ASPSCR1: variants seen among roughly 807,000 people sequenced by gnomAD.
The protein encoded by ASPSCR1 is tether containing UBX domain for GLUT4.
In ASPSCR1, 55 loss-of-function variants were observed where a neutral mutation model predicts 68.9. The observed-to-expected ratio is 0.80, with a 90% confidence interval of 0.64 to 1.00. The LOEUF is 1.00. ASPSCR1 is among the 50% of genes least tolerant of loss of function. The pLI, the probability that ASPSCR1 is intolerant of heterozygous loss-of-function variation, is 0.00. For missense variants in ASPSCR1, 765 were observed against 762.2 expected, an observed-to-expected ratio of 1.00 and a Z score of -0.04; for synonymous variants, 352 against 332.6, an observed-to-expected ratio of 1.06 and a Z score of -0.63.
At chr17:82,016,273 C>T (rs1398934493) in intron 12 of ASPSCR1, 19 of 595,064 alleles carry the variant, frequency 3.2e-5, no homozygotes, top group Admixed American at 1.5e-4. Context: ...CCATGGAGGG[C>T]GCTGGTCCCA....
Position 81,987,023 on chromosome 17 carries a change from A to G in ASPSCR1, c.374+1416A>G, listed in dbSNP as rs1329013399. ...TCAGACAACAGTGACGGAGCCTAAG[A>G]GCAAAGCCAAAGCCACGGGCAGGGG... On this transcript the variant is annotated intron_variant, in intron 4 of 15. Coordinates refer to ENST00000306739, the MANE Select transcript of ASPSCR1 (RefSeq NM_024083.4). The surrounding 1 kb of genome is among the most constrained non-coding windows in gnomAD (Gnocchi z 5.6). Among the ~76,000 whole-genome samples the G allele has an allele frequency of 1.3e-5, 2 of 152,112 alleles. No homozygotes were observed. Among genetic ancestry groups the G allele is most frequent in the Non-Finnish European group, 2.9e-5 (2 of 68,016 alleles).
chr17:82,009,323 A>C (rs992792797), intron 8 of ASPSCR1, 132 bp downstream of exon 8: 2 of 1,401,456 alleles, frequency 1.4e-6, no homozygotes, highest in Non-Finnish European at 1.9e-6. Context: ...CCTTAACAGG[A>C]CCTCAGAGGG....
In ASPSCR1 at chr17:81,986,233, C is replaced by T. The variant is rs12937344; in HGVS notation, c.374+626C>T. On this transcript the variant is annotated intron_variant, in intron 4 of 15. Coordinates refer to ENST00000306739, the MANE Select transcript of ASPSCR1 (RefSeq NM_024083.4). The surrounding 1 kb of genome is among the most constrained non-coding windows in gnomAD (Gnocchi z 5.2). ...GAGCTCATGAGTTCAAGACTAGCCT[C>T]GGCAACATAGTGAAACCCCTTCTCT... 5.9e-3 allele frequency among the ~76,000 whole-genome samples: 890 copies of T among 152,134 alleles called. 3 individuals carry two copies. The highest frequency in any genetic ancestry group is 0.014 in the Middle Eastern group (4 of 294).
intron 7 of ASPSCR1, among the ~76,000 whole-genome samples, chr17:81,998,780 C>T (rs1406163415): frequency 1.3e-5 from 2 of 152,218 alleles, no homozygotes; most frequent in South Asian, 4.1e-4. Flanking sequence ...GGCAGTGGCC[C>T]CTCTTTTCTG....
In ASPSCR1 at chr17:81,990,083, A is replaced by G. The variant is rs2042111972; in HGVS notation, c.374+4476A>G. On this transcript the variant is annotated intron_variant, in intron 4 of 15. Coordinates refer to ENST00000306739, the MANE Select transcript of ASPSCR1 (RefSeq NM_024083.4). This position sits in a 1 kb window ranked among gnomAD's most constrained non-coding sequence, Gnocchi z 4.1. Reference sequence around the variant, plus strand: ...AGCCACCACACCTGGCCAATCACTCACTTTTTCTTGTAACCGCATTAAAGA... The same window carrying G: ...AGCCACCACACCTGGCCAATCACTCGCTTTTTCTTGTAACCGCATTAAAGA... 6.6e-6 allele frequency among the ~76,000 whole-genome samples: 1 copy of G among 152,210 alleles called. No homozygotes were observed. The highest frequency in any genetic ancestry group is 1.5e-5 in the Non-Finnish European group (1 of 68,040).
At chr17:81,980,131 C>G (rs1280068848) in intron 2 of ASPSCR1, among the ~76,000 whole-genome samples, 1 of 152,162 alleles carries the variant, frequency 6.6e-6, no homozygotes, top group African/African-American at 2.4e-5. Flanking sequence ...TAGAGGTGCT[C>G]ACCAACACAC....
rs757428130 is a variant in ASPSCR1 at position 81,994,842 on chromosome 17, C to T, written c.396C>T (p.Gly132=). The T allele has an allele frequency of 5.1e-5, 83 of 1,613,172 alleles. No homozygotes were observed. The highest frequency in any genetic ancestry group is 4.9e-4 in the South Asian group (45 of 91,050). ...CCAGGGAGTGCCTGCAGCACCCCGG[C>T]GGGGCCACCCCAGTCTGCGTGTACA... is the stretch of plus-strand genomic sequence containing the variant. ...PQIRECLQHP[G]GATPVCVYTR... Residue 132 remains glycine, a synonymous_variant, in exon 5 of 16, where the codon GGC becomes GGT. Transcript: ENST00000306739.
At chr17:81,994,564 C>T (rs1598404729) in intron 4 of ASPSCR1, among the ~76,000 whole-genome samples, 2 of 152,308 alleles carry the variant, frequency 1.3e-5, no homozygotes, top group African/African-American at 2.4e-5. Context: ...CTGGAGGTCT[C>T]GGGGGGAGCC....
chr17:81,998,523 A>G (rs1015139178), intron 7 of ASPSCR1, among the ~76,000 whole-genome samples: 1 of 152,224 alleles, frequency 6.6e-6, no homozygotes, highest in African/African-American at 2.4e-5. Flanking sequence ...TTTCTCTGCC[A>G]AGGATGATGT....
chr17:81,991,594 C>T (rs1160927110), intron 4 of ASPSCR1, among the ~76,000 whole-genome samples: 2 of 152,206 alleles, frequency 1.3e-5, no homozygotes, highest in East Asian at 3.8e-4. Context: ...CGTCCTTGTC[C>T]ATTCCTGTCC....
rs368821082 is a variant in ASPSCR1 at position 82,001,583 on chromosome 17, C to T, written c.933+4737C>T. ...GCGCTTGTGTTTTGGTGAGGAACCC[C>T]GGGGGGTAGGGGGTGGATGCTCGCC... On this transcript the variant is annotated intron_variant, in intron 7 of 15. Coordinates refer to ENST00000306739, the MANE Select transcript of ASPSCR1 (RefSeq NM_024083.4). Among the ~76,000 whole-genome samples, 25 of 152,204 alleles carry T rather than the reference C, an allele frequency of 1.6e-4. 1 individual carries two copies. The East Asian group carries it at 1.9e-3, about 12-fold the overall frequency.
chr17:81,989,952 T>C (rs1321528973), intron 4 of ASPSCR1, among the ~76,000 whole-genome samples: 1 of 152,168 alleles, frequency 6.6e-6, no homozygotes, highest in African/African-American at 2.4e-5. Context: ...CACGCCTGGC[T>C]AATTTTTGTA....
At chr17:82,008,548 C>T (rs2042799698) in intron 7 of ASPSCR1, 3 of 157,192 alleles carry the variant, frequency 1.9e-5, no homozygotes, top group Middle Eastern at 3.2e-3. Flanking sequence ...CGCTGTCCCT[C>T]CCGCATCCCA....
chr17:81,987,839 C>T lies in ASPSCR1; in HGVS notation c.374+2232C>T, dbSNP rs1470970957. ...TCTAGCCTGGGTGACAAGAGCAAAA[C>T]TCCATCTCAAAAAAACAAAAAAACA... On this transcript the variant is annotated intron_variant, in intron 4 of 15. Transcript: ENST00000306739. This position sits in a 1 kb window ranked among gnomAD's most constrained non-coding sequence, Gnocchi z 5.6. 3.3e-5 allele frequency among the ~76,000 whole-genome samples: 5 copies of T among 151,302 alleles called. No individual in the cohort carries two copies. In the East Asian group the frequency reaches 9.8e-4, roughly 30 times the overall value.
At chr17:81,988,461 A>C (rs2042065511) in intron 4 of ASPSCR1, among the ~76,000 whole-genome samples, 1 of 151,818 alleles carries the variant, frequency 6.6e-6, no homozygotes, top group Admixed American at 6.6e-5. Context: ...TCTCAAAAAA[A>C]AAAAAAAAAA....
chr17:82,014,624 G>A (rs776949086), intron 12 of ASPSCR1: 6 of 176,236 alleles, frequency 3.4e-5, no homozygotes, highest in Non-Finnish European at 6.1e-5. Flanking sequence ...CCTCCCGGGC[G>A]TCTTGAGCTG....
At chr17:82,016,357 G>A (rs1057322515) in intron 12 of ASPSCR1, 119 bp from the exon 13 acceptor site, 14 of 901,328 alleles carry the variant, frequency 1.6e-5, no homozygotes, top group South Asian at 9.8e-5. Flanking sequence ...CATGGGGGCC[G>A]GGCAGGCAGA....
chr17:81,997,636 G>A (rs936596489), intron 7 of ASPSCR1, among the ~76,000 whole-genome samples: 18 of 149,838 alleles, frequency 1.2e-4, no homozygotes, highest in Non-Finnish European at 2.2e-4. Flanking sequence ...CTACAAGCGC[G>A]CACCACCAAG....
intron 7 of ASPSCR1, 55 bp downstream of exon 7, chr17:81,996,901 G>T (rs1329644196): frequency 1.3e-6 from 2 of 1,521,822 alleles, no homozygotes; most frequent in Admixed American, 2.2e-5. Context: ...CTGATGTGTA[G>T]CCCTGCGTGG....
Sources: allele counts gnomAD v4.1 joint callset (sites outside exome capture counted in the v4.1 genomes callset), GRCh38; gene constraint gnomAD v4.1.1; non-coding constraint Gnocchi (gnomAD v3.1); transcripts MANE v1.5; gene names NCBI Gene and HGNC (gene_info 2026-07-23, HGNC 2026-07-21).